Variants in SGCZ observed in about 807,000 individuals in gnomAD.
SGCZ encodes the protein sarcoglycan zeta.
A neutral mutation model predicts 41.3 loss-of-function variants in SGCZ; 40 were observed. That is an observed-to-expected ratio of 0.97 (90% CI 0.75 to 1.26). The LOEUF is 1.26. SGCZ is among the 50% of genes most tolerant of loss of function. The pLI is 0.00. For missense variants in SGCZ, 552 were observed against 369.8 expected, an observed-to-expected ratio of 1.49 and a Z score of -4.04; for synonymous variants, 206 against 137.5, an observed-to-expected ratio of 1.50 and a Z score of -3.49.
intron 1 of SGCZ, among the ~76,000 whole-genome samples, chr8:14,882,092 T>G (rs1165660804): frequency 2.0e-5 from 3 of 152,210 alleles, no homozygotes; most frequent in Non-Finnish European, 4.4e-5. Context: ...GAGGGAAATT[T>G]ATAGCACTAA....
chr8:14,908,800 A>C (rs1799197310), intron 1 of SGCZ, among the ~76,000 whole-genome samples: 1 of 152,056 alleles, frequency 6.6e-6, no homozygotes, highest in Non-Finnish European at 1.5e-5. Flanking sequence ...CACTATAAAA[A>C]ATATTAATAT....
chr8:14,517,562 T>C (rs1361915400), intron 2 of SGCZ, among the ~76,000 whole-genome samples: 1 of 152,090 alleles, frequency 6.6e-6, no homozygotes, highest in Non-Finnish European at 1.5e-5. Flanking sequence ...TTTAGTTTTC[T>C]TATATGCCAG....
intron 4 of SGCZ, among the ~76,000 whole-genome samples, chr8:14,232,501 G>A (rs564961647): frequency 1.4e-3 from 212 of 152,106 alleles, no homozygotes; most frequent in Middle Eastern, 6.8e-3. Context: ...TAAGCCCTAA[G>A]TTTCAAGAAT....
In SGCZ at chr8:14,723,701, T is replaced by C. The variant is rs959038135; in HGVS notation, c.40-168775A>G. 1.0e-3 allele frequency among the ~76,000 whole-genome samples: 156 copies of C among 152,232 alleles called. 2 individuals are homozygous for C. The highest frequency in any genetic ancestry group is 3.6e-3 in the African/African-American group (150 of 41,524). On this transcript the variant is annotated intron_variant, in intron 1 of 7. Transcript: ENST00000382080. ...ATATATATGTCTGTGTCTATGCATATATATGCATACATATGTCTATATAGT... is the reference window on the plus strand; with the variant it reads ...ATATATATGTCTGTGTCTATGCATACATATGCATACATATGTCTATATAGT...
At chr8:14,482,366 G>T (rs1801558236) in intron 2 of SGCZ, among the ~76,000 whole-genome samples, 1 of 152,172 alleles carries the variant, frequency 6.6e-6, no homozygotes, top group South Asian at 2.1e-4. Context: ...GGAGAATTCA[G>T]TCAAGCTTTG....
chr8:14,215,025 C>G (rs114142004), intron 4 of SGCZ, among the ~76,000 whole-genome samples: 1 of 152,094 alleles, frequency 6.6e-6, no homozygotes, highest in Non-Finnish European at 1.5e-5. Context: ...GGACCTCATT[C>G]GCACATATAG....
Position 15,195,990 on chromosome 8 carries a change from C to T in SGCZ, c.39+41595G>A, listed in dbSNP as rs1362706749. 5.3e-5 allele frequency among the ~76,000 whole-genome samples: 7 copies of T among 130,844 alleles called. 1 individual carries two copies. The highest frequency in any genetic ancestry group is 3.4e-5 in the Non-Finnish European group (2 of 59,276). The allele number at this position is 130,844 out of a possible 152,430, so 85.8% of individuals were successfully genotyped here. A position where few individuals can be genotyped will look rare whatever the true frequency, so the allele number is the denominator to read the frequency against. The stretch of plus-strand genomic sequence containing the variant: ...TTGGCTCACTGCAAGCTCCGCCTCC[C>T]GGGTTCACGCCATTCTCCTGCCTCA... On this transcript the variant is annotated intron_variant, in intron 1 of 7. Coordinates refer to ENST00000382080, the MANE Select transcript of SGCZ (RefSeq NM_139167.4).
intron 1 of SGCZ, among the ~76,000 whole-genome samples, chr8:15,200,554 A>G (rs1800858929): frequency 6.6e-6 from 1 of 152,204 alleles, no homozygotes; most frequent in Admixed American, 6.5e-5. Context: ...ATTCATGAGA[A>G]GTAACTACGA....
intron 1 of SGCZ, among the ~76,000 whole-genome samples, chr8:15,125,317 T>A (rs1164283688): frequency 6.6e-6 from 1 of 152,230 alleles, no homozygotes; most frequent in East Asian, 1.9e-4. Context: ...TCTACCCTTA[T>A]GTATGTGGGA....
chr8:14,480,963 T>C (rs190335889), intron 2 of SGCZ, among the ~76,000 whole-genome samples: 1 of 152,048 alleles, frequency 6.6e-6, no homozygotes, highest in Non-Finnish European at 1.5e-5. Flanking sequence ...GAAGTTATCT[T>C]GAACATTTGA....
rs755424757 is a variant in SGCZ, at chr8:14,855,047, T to TTTTA, written c.40-300125_40-300122dup. ...TGCAACTTCCTAGGCATCTCCATTA[T>TTTTA]TTTATTTATTTATTTATTTATTTAG... On this transcript the variant is annotated intron_variant, in intron 1 of 7. Coordinates refer to ENST00000382080, the MANE Select transcript of SGCZ (RefSeq NM_139167.4). 1.3e-3 allele frequency among the ~76,000 whole-genome samples: 198 copies of TTTTA among 151,408 alleles called. 1 individual carries two copies. Among genetic ancestry groups the TTTTA allele is most frequent in the Admixed American group, 3.8e-3 (58 of 15,086 alleles).
At chr8:14,669,303 G>A (rs918819914) in intron 1 of SGCZ, among the ~76,000 whole-genome samples, 1 of 151,688 alleles carries the variant, frequency 6.6e-6, no homozygotes, top group Non-Finnish European at 1.5e-5. Context: ...AGATCTCAGT[G>A]AGCCAAGACA....
At position 15,152,223 on chromosome 8, in the gene SGCZ, G is replaced by T. The variant is rs1156243930; in HGVS notation, c.39+85362C>A. Among the ~76,000 whole-genome samples, 4 of 152,120 alleles carry T rather than the reference G, an allele frequency of 2.6e-5. No homozygotes were observed. In the South Asian group the frequency reaches 8.3e-4, roughly 31 times the overall value. On this transcript the variant is annotated intron_variant, in intron 1 of 7. Coordinates refer to ENST00000382080, the MANE Select transcript of SGCZ (RefSeq NM_139167.4). ...ATAATTGCTGAATCACAGGAAACAG[G>T]TTCCTTTACTAAGACTGGAAGAACA... is the stretch of plus-strand genomic sequence containing the variant.
At chr8:14,975,541 A>G (rs910406082) in intron 1 of SGCZ, among the ~76,000 whole-genome samples, 1 of 152,056 alleles carries the variant, frequency 6.6e-6, no homozygotes, top group African/African-American at 2.4e-5. Flanking sequence ...TTTTTGACCC[A>G]GTGAGATTGT....
At chr8:14,440,712 CATACGTATACACGTATATGTAT>C (rs748352300) in intron 2 of SGCZ, among the ~76,000 whole-genome samples, 32,614 of 132,712 alleles carry the variant, frequency 0.25, 5,315 homozygotes, top group Admixed American at 0.3. Context: ...TATGTATATA[CATACGTATACACGTATATGTAT>C]ATATGTATAT....
At chr8:14,992,230 C>A (rs1317603924) in intron 1 of SGCZ, among the ~76,000 whole-genome samples, 1 of 151,656 alleles carries the variant, frequency 6.6e-6, no homozygotes, top group Non-Finnish European at 1.5e-5. Flanking sequence ...ACTCCCAAAT[C>A]TACTCCCAAA....
chr8:15,184,327 G>C (rs1800267979), intron 1 of SGCZ, among the ~76,000 whole-genome samples: 1 of 152,024 alleles, frequency 6.6e-6, no homozygotes, highest in African/African-American at 2.4e-5. Context: ...GTTAGGACAC[G>C]AACATGCAAG....
At chr8:14,783,152 G>A (rs990821863) in intron 1 of SGCZ, among the ~76,000 whole-genome samples, 2 of 152,136 alleles carry the variant, frequency 1.3e-5, no homozygotes, top group Non-Finnish European at 2.9e-5. Flanking sequence ...AAAAGTATAT[G>A]GCCGGGCACG....
chr8:15,237,949 T>A lies in SGCZ; in HGVS notation c.-326A>T. 3.8e-6 allele frequency: 1 copy of A among 265,430 alleles called. No homozygotes were observed. The highest frequency in any genetic ancestry group is 7.2e-6 in the Non-Finnish European group (1 of 138,438). 16.4% of individuals were successfully genotyped at this position (265,430 alleles called of 1,614,324 possible). ...CCACTCTATTTAAGATTATTTCTTC[T>A]TCTGCAATAAGCTTAGAACCCAGCG... On this transcript the variant is annotated 5_prime_UTR_variant, in exon 1 of 8. It adds an upstream start codon to the 5' untranslated region. Transcript: ENST00000382080.
Sources: gnomAD v4.1 joint callset for allele counts (sites outside exome capture counted in the v4.1 genomes callset) on GRCh38, gnomAD v4.1.1 for gene constraint, MANE v1.5 for transcripts, NCBI Gene and HGNC (gene_info 2026-07-23, HGNC 2026-07-21) for gene names.